Variants in GCLM observed in about 807,000 individuals in gnomAD.
GCLM encodes the protein glutamate--cysteine ligase regulatory subunit.
In GCLM, 15 loss-of-function variants were observed where a neutral mutation model predicts 36.0. The observed-to-expected ratio is 0.42, with a 90% CI of 0.28 to 0.64. The LOEUF (loss-of-function observed/expected upper bound fraction) is 0.64, where lower values mean the gene tolerates loss of function less well. Ranked by LOEUF, GCLM falls within the 30% of genes least tolerant of loss-of-function variation. The probability of loss-of-function intolerance (pLI) is 0.25; values close to 1 mark genes in which losing one functional copy is unlikely to be tolerated. For missense variants in GCLM, 242 were observed against 325.5 expected, an observed-to-expected ratio of 0.74 and a Z score of 1.97; for synonymous variants, 129 against 122.8, an observed-to-expected ratio of 1.05 and a Z score of -0.34.
At chr1:93,897,935 T>C (rs1384580680) in intron 3 of GCLM, 37 bp from the exon 4 acceptor site, 6 of 1,148,132 alleles carry the variant, frequency 5.2e-6, no homozygotes, top group Non-Finnish European at 7.4e-6. Context: ...TTACTACATT[T>C]GGATACACAT....
At position 93,897,141 on chromosome 1, in the gene GCLM, T is replaced by C. The variant is rs920833179; in HGVS notation, c.338-321A>G. Among the ~76,000 whole-genome samples, 6 of 152,308 alleles carry C rather than the reference T, an allele frequency of 3.9e-5. No individual in the cohort carries two copies. The East Asian group carries it at 9.6e-4, about 24-fold the overall frequency. ...CTTGTTTCCTAGGTCCCAGAAGTTT[T>C]TAGTAGCTCCCTTATCTTCATAAAA... is the stretch of plus-strand genomic sequence containing the variant. On this transcript the variant is annotated intron_variant, in intron 4 of 6. Coordinates refer to ENST00000370238, the MANE Select transcript of GCLM (RefSeq NM_002061.4).
rs778330427 is a variant in GCLM, at chr1:93,897,860, T to C, written c.316A>G (p.Thr106Ala). 3.2e-6 allele frequency: 5 copies of C among 1,554,114 alleles called. No homozygotes were observed. The South Asian group carries it at 3.8e-5, about 12-fold the overall frequency. Reference protein sequence around the residue: ...FIVESNSSSSTRSAVDMACSV... With the variant: ...FIVESNSSSSARSAVDMACSV... ...TTACCCATGTCAACTGCACTTCTAG[T>C]TGATGATGAAGAGTTTGATTCTACA... The change falls in exon 4 of 7, where the codon ACT becomes GCT. Residue 106 changes from threonine to alanine, a missense_variant. Transcript: ENST00000370238.
rs1041860519 is a variant in GCLM, at chr1:93,886,000, A to C, written c.*2990T>G. 2 of 152,178 alleles carry C rather than the reference A, an allele frequency of 1.3e-5. No homozygotes were observed. Among genetic ancestry groups the C allele is most frequent in the Non-Finnish European group, 2.9e-5 (2 of 67,996 alleles). The allele number at this position is 152,178 out of a possible 1,614,324, so 9.4% of individuals were successfully genotyped here. A position where few individuals can be genotyped will look rare whatever the true frequency, so the allele number is the denominator to read the frequency against. On this transcript the variant is annotated 3_prime_UTR_variant, in exon 7 of 7. Transcript: ENST00000370238. ...AAATGATCTTTTTTGAAAAATGAAA[A>C]ATTATTAGCTATTATTTGTGATTCA... is the stretch of plus-strand genomic sequence containing the variant.
intron 6 of GCLM, among the ~76,000 whole-genome samples, chr1:93,893,794 T>C (rs1656620641): frequency 6.6e-6 from 1 of 152,204 alleles, no homozygotes; most frequent in Non-Finnish European, 1.5e-5. Flanking sequence ...TTACAAAATG[T>C]TGTAAAAAAT....
At chr1:93,908,981 C>A in intron 1 of GCLM, 57 bp downstream of exon 1, 1 of 1,359,580 alleles carries the variant, frequency 7.4e-7, no homozygotes, top group African/African-American at 1.5e-5. Flanking sequence ...GCCGGAACCG[C>A]CCGGCCCCGC....
In GCLM at chr1:93,888,797, A is replaced by C. The variant is rs1454739440; in HGVS notation, c.*193T>G. 1 of 399,352 alleles carries C rather than the reference A, an allele frequency of 2.5e-6. No individual in the cohort carries two copies. The highest frequency in any genetic ancestry group is 4.4e-6 in the Non-Finnish European group (1 of 224,856). 24.7% of individuals were successfully genotyped at this position (399,352 alleles called of 1,614,324 possible). ...AAAACAATAGTTTAAGGAAAGCAAT[A>C]CAGAGGTTCATGAGAATGGATTGAT... is the stretch of plus-strand genomic sequence containing the variant. On this transcript the variant is annotated 3_prime_UTR_variant, in exon 7 of 7. Transcript: ENST00000370238.
intron 1 of GCLM, among the ~76,000 whole-genome samples, chr1:93,904,824 ATTACT>A (rs1657083969): frequency 6.6e-6 from 1 of 152,290 alleles, no homozygotes; most frequent in Non-Finnish European, 1.5e-5. Context: ...AAGTTGTCTA[ATTACT>A]TTAAAGCTTT....
rs1553179443 is a variant in GCLM at position 93,886,690 on chromosome 1, T to TTC, written c.*2299_*2300insGA. The TTC allele has an allele frequency of 1.3e-5, 2 of 151,756 alleles. No individual in the cohort carries two copies. The highest frequency in any genetic ancestry group is 4.8e-5 in the African/African-American group (2 of 41,242). 9.4% of individuals were successfully genotyped at this position (151,756 alleles called of 1,614,324 possible). A position where few individuals can be genotyped will look rare whatever the true frequency, so the allele number is the denominator to read the frequency against. On this transcript the variant is annotated 3_prime_UTR_variant, in exon 7 of 7. Transcript: ENST00000370238. ...ATACATTAGCAACTAAGTTTTTTTT[T>TTC]CCCCCACTTTCAAAATAACCCTTCA...
At chr1:93,894,468 A>T (rs1656647806) in intron 6 of GCLM, 146 bp downstream of exon 6, 1 of 497,724 alleles carries the variant, frequency 2.0e-6, no homozygotes, top group Non-Finnish European at 3.6e-6. Flanking sequence ...AAATGAGGGC[A>T]TATAGGTTTT....
intron 2 of GCLM, among the ~76,000 whole-genome samples, chr1:93,903,597 C>T (rs1349761850): frequency 5.9e-5 from 9 of 151,688 alleles, no homozygotes; most frequent in Admixed American, 2.0e-4. Context: ...GGATTATAGG[C>T]GTGAGCCACT....
chr1:93,892,025 T>C (rs966914177), intron 6 of GCLM, among the ~76,000 whole-genome samples: 6 of 152,114 alleles, frequency 3.9e-5, no homozygotes, highest in African/African-American at 1.4e-4. Flanking sequence ...AAATGTCTCC[T>C]TGGAAAAGTA....
At chr1:93,904,235 T>C in intron 2 of GCLM, 3 of 372,164 alleles carry the variant, frequency 8.1e-6, no homozygotes, top group South Asian at 7.6e-5. Context: ...ATCATTCCTC[T>C]CCTAGACCAA....
At chr1:93,904,066 A>G (rs1172473105) in intron 2 of GCLM, among the ~76,000 whole-genome samples, 1 of 152,184 alleles carries the variant, frequency 6.6e-6, no homozygotes, top group African/African-American at 2.4e-5. Context: ...GGATTTCAAA[A>G]TGTGTTTTAG....
chr1:93,909,019 C>T lies in GCLM; in HGVS notation c.126+19G>A. The T allele has an allele frequency of 6.9e-7, 1 of 1,445,660 alleles. No homozygotes were observed. Among genetic ancestry groups the T allele is most frequent in the Non-Finnish European group, 9.1e-7 (1 of 1,102,474 alleles). 89.6% of individuals were successfully genotyped at this position (1,445,660 alleles called of 1,614,324 possible). ...GAGGCCTGCCCCGGGAGCCCCGCGGCGAGTGTCGCCACGCTCACCTCCTCG... is the reference window on the plus strand; with the variant it reads ...GAGGCCTGCCCCGGGAGCCCCGCGGTGAGTGTCGCCACGCTCACCTCCTCG... On this transcript the variant is annotated intron_variant, in intron 1 of 6. Coordinates refer to ENST00000370238, the MANE Select transcript of GCLM (RefSeq NM_002061.4).
intron 3 of GCLM, among the ~76,000 whole-genome samples, chr1:93,899,334 A>G (rs1656861170): frequency 6.6e-6 from 1 of 152,244 alleles, no homozygotes; most frequent in South Asian, 2.1e-4. Flanking sequence ...TCGCCTCCCA[A>G]AGTGCTGGGA....
chr1:93,888,855 GACA>G lies in GCLM; in HGVS notation c.*132_*134del, dbSNP rs1656419009. 1.8e-6 allele frequency: 1 copy of G among 569,854 alleles called. No homozygotes were observed. Among genetic ancestry groups the G allele is most frequent in the African/African-American group, 1.9e-5 (1 of 51,960 alleles). 35.3% of individuals were successfully genotyped at this position (569,854 alleles called of 1,614,324 possible). A position where few individuals can be genotyped will look rare whatever the true frequency, so the allele number is the denominator to read the frequency against. Reference sequence around the variant, plus strand: ...CAAGATAAGTATTTAAAACTTGACAGACAACATACTGTCAAATATGACGAAAGA... The same window carrying G: ...CAAGATAAGTATTTAAAACTTGACAGACATACTGTCAAATATGACGAAAGA... On this transcript the variant is annotated 3_prime_UTR_variant, in exon 7 of 7. Transcript: ENST00000370238.
chr1:93,904,511 C>T lies in GCLM; in HGVS notation c.192+12G>A. On this transcript the variant is annotated intron_variant, in intron 2 of 6. Coordinates refer to ENST00000370238, the MANE Select transcript of GCLM (RefSeq NM_002061.4). Reference sequence around the variant, plus strand: ...TTGACCTGCATGATTTTTGCATTCACATTTCACTTACCCTGACCAAATCTG... The same window carrying T: ...TTGACCTGCATGATTTTTGCATTCATATTTCACTTACCCTGACCAAATCTG... The T allele has an allele frequency of 6.4e-7, 1 of 1,564,058 alleles. No individual in the cohort carries two copies. The highest frequency in any genetic ancestry group is 1.1e-5 in the South Asian group (1 of 89,824).
At chr1:93,907,455 G>A (rs993576427) in intron 1 of GCLM, among the ~76,000 whole-genome samples, 2 of 152,112 alleles carry the variant, frequency 1.3e-5, no homozygotes, top group African/African-American at 4.8e-5. Flanking sequence ...TGTGAAACCT[G>A]TTTCAGATAT....
chr1:93,895,013 T>TAC (rs11283634), intron 5 of GCLM, among the ~76,000 whole-genome samples: 6 of 110,828 alleles, frequency 5.4e-5, no homozygotes, highest in Middle Eastern at 4.5e-3. Context: ...AGTACTACAC[T>TAC]TTTTTTTTTT....
Sources: allele counts gnomAD v4.1 joint callset (sites outside exome capture counted in the v4.1 genomes callset), GRCh38; gene constraint gnomAD v4.1.1; transcripts MANE v1.5; gene names NCBI Gene and HGNC (gene_info 2026-07-23, HGNC 2026-07-21).